Variants in CNTN5 observed in about 807,000 individuals in gnomAD.
The protein encoded by CNTN5 is contactin 5.
CNTN5 carries 77 observed loss-of-function variants against 129.1 expected under a neutral mutation model. That is an observed-to-expected ratio of 0.60 (90% confidence interval 0.50 to 0.72). The LOEUF is 0.72. Ranked by LOEUF, CNTN5 falls within the 30% of genes least tolerant of loss-of-function variation. CNTN5 has a pLI of 0.00. For synonymous variants in CNTN5, 509 were observed against 465.6 expected (o/e 1.09, Z -1.20); for missense variants, 1,478 against 1,328.8 (o/e 1.11, Z -1.75).
intron 1 of CNTN5, among the ~76,000 whole-genome samples, chr11:99,302,779 AAAC>A (rs1171480904): frequency 6.6e-6 from 1 of 151,822 alleles, no homozygotes; most frequent in East Asian, 1.9e-4. Flanking sequence ...AAGATTTAGA[AAAC>A]AACAACTATT....
At chr11:99,678,321 A>G (rs779607957) in intron 3 of CNTN5, among the ~76,000 whole-genome samples, 6 of 151,656 alleles carry the variant, frequency 4.0e-5, no homozygotes, top group East Asian at 1.9e-4. Context: ...AATGTTACAA[A>G]GAAGGATTAT....
At chr11:99,899,178 T>C (rs1457094363) in intron 6 of CNTN5, among the ~76,000 whole-genome samples, 1 of 152,078 alleles carries the variant, frequency 6.6e-6, no homozygotes, top group African/African-American at 2.4e-5. Context: ...TGAACAGAGA[T>C]AATTTGACAT....
chr11:99,827,279 G>C (rs1946992903), intron 4 of CNTN5, among the ~76,000 whole-genome samples: 1 of 152,094 alleles, frequency 6.6e-6, no homozygotes, highest in African/African-American at 2.4e-5. Flanking sequence ...GGTAGAGATA[G>C]GGTTTCACCA....
chr11:99,371,026 G>C (rs1170084402), intron 2 of CNTN5, among the ~76,000 whole-genome samples: 1 of 152,126 alleles, frequency 6.6e-6, no homozygotes, highest in East Asian at 1.9e-4. Flanking sequence ...TCTGCTCAGG[G>C]TAATTGGCTC....
chr11:99,144,219 T>C (rs1425777326), intron 1 of CNTN5, among the ~76,000 whole-genome samples: 2 of 152,194 alleles, frequency 1.3e-5, no homozygotes, highest in East Asian at 1.9e-4. Flanking sequence ...CCTAACCAAA[T>C]TGAGAATTTG....
chr11:100,212,566 C>A (rs1949055101), intron 15 of CNTN5, among the ~76,000 whole-genome samples: 1 of 152,102 alleles, frequency 6.6e-6, no homozygotes. Context: ...GTAAAAGTTA[C>A]TAGACAGGGG....
At chr11:99,188,234 G>A (rs948956688) in intron 1 of CNTN5, among the ~76,000 whole-genome samples, 1 of 151,642 alleles carries the variant, frequency 6.6e-6, no homozygotes, top group African/African-American at 2.4e-5. Flanking sequence ...AATAATGGTG[G>A]AATAAATAAA....
At chr11:99,375,079 G>A (rs1940083987) in intron 2 of CNTN5, among the ~76,000 whole-genome samples, 2 of 152,114 alleles carry the variant, frequency 1.3e-5, no homozygotes, top group Admixed American at 6.6e-5. Flanking sequence ...AAGGCGGGTG[G>A]ATCACTTGAG....
At chr11:99,265,553 A>C (rs985218456) in intron 1 of CNTN5, among the ~76,000 whole-genome samples, 1 of 152,072 alleles carries the variant, frequency 6.6e-6, no homozygotes, top group Non-Finnish European at 1.5e-5. Context: ...TTGCATAACA[A>C]AGGTAGAAAT....
intron 2 of CNTN5, among the ~76,000 whole-genome samples, chr11:99,360,349 G>T (rs746775144): frequency 6.6e-6 from 1 of 152,170 alleles, no homozygotes; most frequent in African/African-American, 2.4e-5. Context: ...CCCTCTTGAA[G>T]CTCCTTAGGG....
At chr11:99,424,130 A>G (rs1205086413) in intron 2 of CNTN5, among the ~76,000 whole-genome samples, 1 of 152,210 alleles carries the variant, frequency 6.6e-6, no homozygotes. Flanking sequence ...TAAAAGATGT[A>G]TAACAATAAC....
rs1865767967 is a variant in CNTN5, at chr11:99,080,984, T to TTTTTG, written c.-210+59718_-210+59719insGTTTT. ...TGCCCACCTACTGAGAAATCAGTTT[T>TTTTTG]TTTTTTTTTTTTTTTCAGAAGAACA... On this transcript the variant is annotated intron_variant, in intron 1 of 24. Transcript: ENST00000524871. 2.0e-5 allele frequency among the ~76,000 whole-genome samples: 3 copies of TTTTTG among 151,236 alleles called. No individual in the cohort carries two copies. The South Asian group carries it at 6.3e-4, about 32-fold the overall frequency.
chr11:99,432,030 G>C (rs905050623), intron 2 of CNTN5, among the ~76,000 whole-genome samples: 3 of 152,172 alleles, frequency 2.0e-5, no homozygotes, highest in African/African-American at 7.2e-5. Flanking sequence ...CAGTAAGTCC[G>C]CACTTTAGGT....
At chr11:100,223,936 T>C (rs891216030) in intron 15 of CNTN5, among the ~76,000 whole-genome samples, 3 of 152,160 alleles carry the variant, frequency 2.0e-5, no homozygotes, top group Non-Finnish European at 1.5e-5. Context: ...TTTTAAAGTA[T>C]AGGAACATCA....
chr11:99,136,513 A>T (rs1859228815), intron 1 of CNTN5, among the ~76,000 whole-genome samples: 1 of 152,148 alleles, frequency 6.6e-6, no homozygotes, highest in Admixed American at 6.6e-5. Context: ...CTTCTTCCCT[A>T]TGATCCTATT....
At chr11:99,614,253 A>C (rs558679509) in intron 3 of CNTN5, among the ~76,000 whole-genome samples, 2 of 152,290 alleles carry the variant, frequency 1.3e-5, no homozygotes, top group African/African-American at 4.8e-5. Flanking sequence ...ATTTTCATTC[A>C]TTGTTTATTT....
chr11:99,480,719 T>A (rs1483238095), intron 2 of CNTN5, among the ~76,000 whole-genome samples: 1 of 152,134 alleles, frequency 6.6e-6, no homozygotes, highest in African/African-American at 2.4e-5. Context: ...TTTTTTTTGT[T>A]TTGTTTTTTC....
At chr11:100,335,520 C>A (rs1274414984) in intron 21 of CNTN5, among the ~76,000 whole-genome samples, 11 of 152,154 alleles carry the variant, frequency 7.2e-5, no homozygotes, top group Non-Finnish European at 8.8e-5. Context: ...GCCTGTCCAG[C>A]ACTTTGGGAA....
chr11:99,407,310 G>A (rs897020191), intron 2 of CNTN5, among the ~76,000 whole-genome samples: 2 of 152,038 alleles, frequency 1.3e-5, no homozygotes, highest in African/African-American at 4.8e-5. Context: ...TCAAATCAGC[G>A]GGTTCCCTTC....
Sources: allele counts gnomAD v4.1 joint callset (sites outside exome capture counted in the v4.1 genomes callset), GRCh38; gene constraint gnomAD v4.1.1; transcripts MANE v1.5; gene names NCBI Gene and HGNC (gene_info 2026-07-23, HGNC 2026-07-21).